ZBTB49: variants seen among roughly 807,000 people sequenced by gnomAD.
ZBTB49 encodes zinc finger and BTB domain-containing protein 49.
Under a neutral mutation model 57.5 loss-of-function variants are expected in ZBTB49, and 43 were observed. The ratio of observed to expected loss-of-function variants is 0.75; its 90% CI spans 0.59 to 0.97. The LOEUF is 0.97. ZBTB49 is among the 50% of genes least tolerant of loss of function. The pLI is 0.00. For missense variants in ZBTB49, 938 were observed against 947.7 expected, an observed-to-expected ratio of 0.99 and a Z score of 0.13; for synonymous variants, 369 against 362.1, an observed-to-expected ratio of 1.02 and a Z score of -0.22.
rs1720581587 is a variant in ZBTB49 at position 4,303,186 on chromosome 4, T to C, written c.1255+95T>C. On this transcript the variant is annotated intron_variant, in intron 3 of 7. Transcript: ENST00000337872. ...CTTGTTTTTGTAAGAAGTTTTGCTG[T>C]TGTTTGATGTCATTGATGATTTTAA... The C allele has an allele frequency of 3.6e-6, 5 of 1,377,398 alleles. No homozygotes were observed. In the South Asian group the frequency reaches 5.8e-5, roughly 16 times the overall value. The allele number at this position is 1,377,398 out of a possible 1,614,324, so 85.3% of individuals were successfully genotyped here. A position where few individuals can be genotyped will look rare whatever the true frequency, so the allele number is the denominator to read the frequency against.
chr4:4,299,787 G>A, intron 1 of ZBTB49, 140 bp from the exon 2 acceptor site: 1 of 673,564 alleles, frequency 1.5e-6, no homozygotes, highest in Non-Finnish European at 2.5e-6. Context: ...GTGTGTGTGT[G>A]TGTGTGTGTG....
intron 1 of ZBTB49, among the ~76,000 whole-genome samples, chr4:4,291,020 A>T (rs1719876856): frequency 6.6e-6 from 1 of 152,220 alleles, no homozygotes. Context: ...TGCTTAAATG[A>T]ATGAATGAAA....
intron 4 of ZBTB49, among the ~76,000 whole-genome samples, chr4:4,310,511 ATT>A (rs66523167): frequency 2.1e-5 from 3 of 141,328 alleles, no homozygotes. Context: ...ACTTGCTAGA[ATT>A]TTTTTTTTTT....
rs1720539815 is a variant in ZBTB49, at chr4:4,302,604, T to G, written c.768T>G (p.Pro256=). The G allele has an allele frequency of 1.9e-6, 3 of 1,613,746 alleles. No homozygotes were observed. In the East Asian group the frequency reaches 6.7e-5, roughly 36 times the overall value. Residue 256 remains proline, a synonymous_variant, in exon 3 of 8, where the codon CCT becomes CCG. Coordinates refer to ENST00000337872, the MANE Select transcript of ZBTB49 (RefSeq NM_145291.4). ...STDLTTVESQ[P]CAVSHSECIL... ...ACCTTACCACGGTAGAGAGCCAGCC[T>G]TGTGCCGTCAGTCATTCTGAATGCA...
chr4:4,318,882 GTT>G (rs1258030242), intron 7 of ZBTB49, among the ~76,000 whole-genome samples: 1 of 77,394 alleles, frequency 1.3e-5, no homozygotes. Context: ...TTTGGTTTTT[GTT>G]TTTTTTAATC....
rs200690893 is a variant in ZBTB49 at position 4,320,863 on chromosome 4, C to G, written c.1845C>G (p.Asp615Glu). 1.9e-6 allele frequency: 3 copies of G among 1,614,216 alleles called. No homozygotes were observed. The highest frequency in any genetic ancestry group is 4.5e-5 in the East Asian group (2 of 44,888). The change falls in exon 8 of 8, where the codon GAC becomes GAG. Residue 615 changes from aspartate to glutamate, a missense_variant. Coordinates refer to ENST00000337872, the MANE Select transcript of ZBTB49 (RefSeq NM_145291.4). ...ACCTCGAGAAATCTCAGAGCTCAGACTCTTTCTCCCAAGACACGTCTGTGA... is the reference window on the plus strand; with the variant it reads ...ACCTCGAGAAATCTCAGAGCTCAGAGTCTTTCTCCCAAGACACGTCTGTGA... ...TSDLEKSQSS[D>E]SFSQDTSVTL...
chr4:4,302,251 A>G lies in ZBTB49; in HGVS notation c.415A>G (p.Thr139Ala), dbSNP rs748533432. Reference protein sequence around the residue: ...PCNSTLSLQSTLTPDATCVIS... With the variant: ...PCNSTLSLQSALTPDATCVIS... ...TAATAGTACATTGTCTCTACAAAGC[A>G]CCCTGACCCCAGATGCCACTTGTGT... Residue 139 changes from threonine to alanine, a missense_variant, in exon 3 of 8, where the codon ACC becomes GCC. This residue lies in a region of ZBTB49 where 835 missense variants were observed against 819.1 expected (regional missense o/e 1.02). Transcript: ENST00000337872. The G allele has an allele frequency of 1.2e-6, 2 of 1,614,190 alleles. No homozygotes were observed. The highest frequency in any genetic ancestry group is 1.1e-5 in the South Asian group (1 of 91,080).
At position 4,302,592 on chromosome 4, in the gene ZBTB49, A is replaced by G. The variant is rs1354444274; in HGVS notation, c.756A>G (p.Val252=). ...AFSTSTDLTT[V]ESQPCAVSHS... is the part of the protein sequence containing the mutation. ...GCACCTCTACAGACCTTACCACGGT[A>G]GAGAGCCAGCCTTGTGCCGTCAGTC... Residue 252 remains valine (V), a synonymous_variant, in exon 3 of 8, where the codon GTA becomes GTG. Coordinates refer to ENST00000337872, the MANE Select transcript of ZBTB49 (RefSeq NM_145291.4). 1.9e-6 allele frequency: 3 copies of G among 1,613,964 alleles called. No homozygotes were observed. The South Asian group carries it at 3.3e-5, about 18-fold the overall frequency.
intron 2 of ZBTB49, among the ~76,000 whole-genome samples, chr4:4,301,450 A>G (rs868422897): frequency 2.0e-5 from 3 of 151,984 alleles, no homozygotes; most frequent in Non-Finnish European, 4.4e-5. Flanking sequence ...GGTTTATTCT[A>G]GCTATTTTTT....
chr4:4,306,331 GT>G, intron 4 of ZBTB49, 147 bp downstream of exon 4: 2 of 695,484 alleles, frequency 2.9e-6, no homozygotes, highest in East Asian at 5.6e-5. Context: ...AGGATAAATC[GT>G]TTTCAAGAAA....
chr4:4,319,663 A>T (rs1343034946), intron 7 of ZBTB49, among the ~76,000 whole-genome samples: 1 of 152,200 alleles, frequency 6.6e-6, no homozygotes, highest in East Asian at 1.9e-4. Context: ...TCTACAAAAA[A>T]TATAAAAATT....
Position 4,302,954 on chromosome 4 carries a change from C to T in ZBTB49, c.1118C>T (p.Thr373Met), listed in dbSNP as rs113949380. 2.7e-5 allele frequency: 43 copies of T among 1,614,180 alleles called. No individual in the cohort carries two copies. In the African/African-American group the frequency reaches 2.7e-4, roughly 10 times the overall value. ...SCENFNCISE[T>M]ERPEDPAALE... The stretch of plus-strand genomic sequence containing the variant: ...GAGAATTTTAATTGCATTAGTGAGA[C>T]GGAGAGGCCTGAAGACCCGGCTGCC... The change falls in exon 3 of 8, where the codon ACG becomes ATG. Residue 373 changes from threonine to methionine, a missense_variant. By Grantham distance (81) the Thr-to-Met change is moderately conservative. Transcript: ENST00000337872.
At position 4,303,014 on chromosome 4, in the gene ZBTB49, G is replaced by C; in HGVS notation, c.1178G>C (p.Arg393Thr). Residue 393 changes from arginine (R) to threonine (T), a missense_variant, in exon 3 of 8, where the codon AGA (arginine) becomes ACA (threonine). Physicochemically the swap from Arg to Thr is moderately conservative, Grantham distance 71. Around this residue, in one of 3 missense-constraint regions of ZBTB49, gnomAD observed 835 missense variants for 819.1 expected, o/e 1.02. Coordinates refer to ENST00000337872, the MANE Select transcript of ZBTB49 (RefSeq NM_145291.4). ...CAGTCCCAGACACTTCAGTCCCAGA[G>C]ACAATACGCGTGTGAATTATGCGGG... is the stretch of plus-strand genomic sequence containing the variant. ...EDQSQTLQSQ[R>T]QYACELCGKP... 1.2e-6 allele frequency: 2 copies of C among 1,614,178 alleles called. No homozygotes were observed. The highest frequency in any genetic ancestry group is 1.7e-6 in the Non-Finnish European group (2 of 1,180,030).
intron 3 of ZBTB49, among the ~76,000 whole-genome samples, chr4:4,303,754 C>CTGTG (rs1436001121): frequency 3.2e-4 from 22 of 67,840 alleles, no homozygotes; most frequent in East Asian, 2.2e-3. Flanking sequence ...CTCTCTCTCT[C>CTGTG]TCTCTCTGTG....
Position 4,320,937 on chromosome 4 carries a change from C to A in ZBTB49, c.1919C>A (p.Ser640Tyr), listed in dbSNP as rs780819829. The A allele has an allele frequency of 6.2e-7, 1 of 1,614,240 alleles. No individual in the cohort carries two copies. Among genetic ancestry groups the A allele is most frequent in the African/African-American group, 1.3e-5 (1 of 75,062 alleles). The change falls in exon 8 of 8, where the codon TCT (serine) becomes TAT (tyrosine). Residue 640 changes from serine to tyrosine, a missense_variant. Ser to Tyr is a moderately radical substitution (Grantham distance 144). Coordinates refer to ENST00000337872, the MANE Select transcript of ZBTB49 (RefSeq NM_145291.4). Reference sequence around the variant, plus strand: ...CTCCCTGTCCACCCAGTGGAAAATTCTGTGGCAGAATTTGATAGCCACTCT... The same window carrying A: ...CTCCCTGTCCACCCAGTGGAAAATTATGTGGCAGAATTTGATAGCCACTCT... ...VKLPVHPVEN[S>Y]VAEFDSHSGG...
At chr4:4,296,209 A>C in intron 1 of ZBTB49, among the ~76,000 whole-genome samples, 1 of 152,192 alleles carries the variant, frequency 6.6e-6, no homozygotes, top group East Asian at 1.9e-4. Flanking sequence ...TGTGGCAGGA[A>C]AGCTGGAGAG....
At chr4:4,312,378 C>G (rs1372648200) in intron 4 of ZBTB49, among the ~76,000 whole-genome samples, 1 of 152,158 alleles carries the variant, frequency 6.6e-6, no homozygotes, top group East Asian at 1.9e-4. Context: ...TTGATTAGTA[C>G]ATAGAAATCC....
At chr4:4,312,995 C>CA in intron 4 of ZBTB49, 46 bp from the exon 5 acceptor site, 11 of 1,601,276 alleles carry the variant, frequency 6.9e-6, no homozygotes, top group Non-Finnish European at 9.4e-6. Context: ...TTTAAAAAAC[C>CA]AAAAACTTTC....
chr4:4,318,198 T>C (rs1466740004), intron 7 of ZBTB49, among the ~76,000 whole-genome samples: 1 of 152,180 alleles, frequency 6.6e-6, no homozygotes, highest in East Asian at 1.9e-4. Flanking sequence ...CATATTCCTC[T>C]TTCTTGGTGG....
Sources: gnomAD v4.1 joint callset for allele counts (sites outside exome capture counted in the v4.1 genomes callset) on GRCh38, gnomAD v4.1.1 for gene constraint, gnomAD v4.1.1 regional missense constraint, MANE v1.5 for transcripts, NCBI Gene and HGNC (gene_info 2026-07-23, HGNC 2026-07-21) for gene names.